The following EDC3 variants were observed in gnomAD, a reference collection of about 807,000 sequenced individuals.
The protein encoded by EDC3 is enhancer of mRNA decapping 3, also known as enhancer of mRNA-decapping protein 3.
Under a neutral mutation model 41.8 loss-of-function variants are expected in EDC3, and 20 were observed. The ratio of observed to expected loss-of-function variants is 0.48; its 90% CI spans 0.34 to 0.70. The LOEUF is 0.70. Among genes scored for constraint, EDC3 ranks in the 30% least tolerant of loss-of-function variants. The pLI, the probability that EDC3 is intolerant of heterozygous loss-of-function variation, is 0.01. For synonymous variants in EDC3, 206 were observed against 243.2 expected (o/e 0.85, Z 1.42); for missense variants, 444 against 636.8 (o/e 0.70, Z 3.26).
intron 1 of EDC3, among the ~76,000 whole-genome samples, chr15:74,693,723 C>T (rs2063034147): frequency 6.6e-6 from 1 of 152,282 alleles, no homozygotes; most frequent in African/African-American, 2.4e-5. Context: ...GTGGCTCACA[C>T]CTGTAATCCC....
intron 5 of EDC3, chr15:74,638,307 C>T (rs1345224666): frequency 6.6e-6 from 1 of 152,540 alleles, no homozygotes; most frequent in Non-Finnish European, 1.5e-5. Context: ...CAGCTAAGAC[C>T]CTTTTCTGAA....
intron 3 of EDC3, among the ~76,000 whole-genome samples, chr15:74,658,740 A>C (rs1412788197): frequency 6.6e-6 from 1 of 151,480 alleles, no homozygotes; most frequent in Non-Finnish European, 1.5e-5. Flanking sequence ...GGAGATCGAG[A>C]CCATCCTGGC....
chr15:74,671,849 C>T lies in EDC3; in HGVS notation c.165-75G>A, dbSNP rs902125780. 6.3e-6 allele frequency: 9 copies of T among 1,430,578 alleles called. No individual in the cohort carries two copies. The highest frequency in any genetic ancestry group is 5.6e-5 in the African/African-American group (4 of 70,884). 88.6% of individuals were successfully genotyped at this position (1,430,578 alleles called of 1,614,324 possible). A position where few individuals can be genotyped will look rare whatever the true frequency, so the allele number is the denominator to read the frequency against. On this transcript the variant is annotated intron_variant, in intron 2 of 6. Transcript: ENST00000315127. The surrounding 1 kb of genome is among the most constrained non-coding windows in gnomAD (Gnocchi z 4.6). ...TGATGAAACTGAGATCATTAGCAAACAGCTACCCCTTTGCAGGACTGCATT... is the reference window on the plus strand; with the variant it reads ...TGATGAAACTGAGATCATTAGCAAATAGCTACCCCTTTGCAGGACTGCATT...
At position 74,632,677 on chromosome 15, in the gene EDC3, C is replaced by G; in HGVS notation, c.1462G>C (p.Glu488Gln). 5.0e-6 allele frequency: 8 copies of G among 1,614,160 alleles called. No homozygotes were observed. The highest frequency in any genetic ancestry group is 5.9e-6 in the Non-Finnish European group (7 of 1,180,042). ...DIGIPQQVFQ[E>Q]VGINYHSPFG... ...GGCGAGTGGTAGTTGATGCCCACCT[C>G]CTGGAAGACCTGCTGGGGAATGCCA... Residue 488 changes from glutamate (E) to glutamine (Q), a missense_variant, in exon 7 of 7, where the codon GAG (glutamate) becomes CAG (glutamine). By Grantham distance (29) the Glu-to-Gln change is conservative. Transcript: ENST00000315127. The surrounding 1 kb of genome is among the most constrained non-coding windows in gnomAD (Gnocchi z 4.0).
At chr15:74,675,558 T>G (rs995388610) in intron 1 of EDC3, among the ~76,000 whole-genome samples, 4 of 150,028 alleles carry the variant, frequency 2.7e-5, no homozygotes, top group Non-Finnish European at 4.4e-5. Context: ...TAATAATAAT[T>G]AATAATAATA....
At chr15:74,641,748 C>T (rs1167408377) in intron 4 of EDC3, 1 of 153,172 alleles carries the variant, frequency 6.5e-6, no homozygotes, top group Admixed American at 6.5e-5. Context: ...CTCAATTATA[C>T]TGGACTGTCA....
At chr15:74,642,168 C>G (rs1019187650) in intron 4 of EDC3, 1 of 152,164 alleles carries the variant, frequency 6.6e-6, no homozygotes, top group Non-Finnish European at 1.5e-5. Flanking sequence ...TCTGTATCCT[C>G]TCAGGGAAGG....
At chr15:74,680,751 A>G (rs757017305) in intron 1 of EDC3, among the ~76,000 whole-genome samples, 9 of 152,226 alleles carry the variant, frequency 5.9e-5, no homozygotes, top group Non-Finnish European at 1.0e-4. Flanking sequence ...TAATCTACAA[A>G]AAGTCTTAGA....
chr15:74,644,855 A>G (rs1392470733), intron 4 of EDC3: 3 of 152,128 alleles, frequency 2.0e-5, no homozygotes, highest in Admixed American at 2.0e-4. Flanking sequence ...TTTACGAGGA[A>G]GAAATCTGGT....
rs1032634240 is a variant in EDC3, at chr15:74,632,524, T to C, written c.*88A>G. ...AACAAACCCAAAAGAGAAAAAACTT[T>C]AACAAGGTCCATGAAGCTTCATATC... On this transcript the variant is annotated 3_prime_UTR_variant, in exon 7 of 7. Coordinates refer to ENST00000315127, the MANE Select transcript of EDC3 (RefSeq NM_025083.5). The surrounding 1 kb of genome is among the most constrained non-coding windows in gnomAD (Gnocchi z 4.0). 3.4e-6 allele frequency: 5 copies of C among 1,456,042 alleles called. No homozygotes were observed. The highest frequency in any genetic ancestry group is 4.6e-6 in the Non-Finnish European group (5 of 1,078,596). The allele number at this position is 1,456,042 out of a possible 1,614,324, so 90.2% of individuals were successfully genotyped here. A position where few individuals can be genotyped will look rare whatever the true frequency, so the allele number is the denominator to read the frequency against.
chr15:74,635,348 G>A (rs778070994), intron 6 of EDC3, 61 bp downstream of exon 6: 58 of 1,524,488 alleles, frequency 3.8e-5, no homozygotes, highest in Admixed American at 1.7e-5. Flanking sequence ...GTGGCATGAC[G>A]AGACCATCAA....
chr15:74,683,952 A>T (rs2062904209), intron 1 of EDC3, among the ~76,000 whole-genome samples: 1 of 151,980 alleles, frequency 6.6e-6, no homozygotes, highest in Non-Finnish European at 1.5e-5. Context: ...GCACTTTCAG[A>T]GGCTGAGGCA....
rs774323837 is a variant in EDC3 at position 74,671,318 on chromosome 15, A to G, written c.484+137T>C. ...GAATGAGGCCTGGAGGAAGAGAACC[A>G]TGTTGTATTTCTGTGACGCTCAGCC... On this transcript the variant is annotated intron_variant, in intron 3 of 6. Coordinates refer to ENST00000315127, the MANE Select transcript of EDC3 (RefSeq NM_025083.5). The surrounding 1 kb of genome is among the most constrained non-coding windows in gnomAD (Gnocchi z 4.6). 106 of 992,606 alleles carry G rather than the reference A, an allele frequency of 1.1e-4. No individual in the cohort carries two copies. Among genetic ancestry groups the G allele is most frequent in the Non-Finnish European group, 1.3e-4 (90 of 673,744 alleles). The allele number at this position is 992,606 out of a possible 1,614,324, so 61.5% of individuals were successfully genotyped here.
rs527487147 is a variant in EDC3 at position 74,647,314 on chromosome 15, T to C, written c.821-6695A>G. Among the ~76,000 whole-genome samples, 19 of 152,276 alleles carry C rather than the reference T, an allele frequency of 1.2e-4. No homozygotes were observed. In the South Asian group the frequency reaches 2.7e-3, roughly 22 times the overall value. On this transcript the variant is annotated intron_variant, in intron 4 of 6. Transcript: ENST00000315127. ...GGTATATACATAGAAATCAAACTCC[T>C]TTCTCACTCTGTCTAGGCACTTGTG...
At position 74,681,554 on chromosome 15, in the gene EDC3, A is replaced by C. The variant is rs544602532; in HGVS notation, c.-18-6412T>G. On this transcript the variant is annotated intron_variant, in intron 1 of 6. Transcript: ENST00000315127. ...CTATATAGTATTGGCAGAGGGACAA[A>C]CATGTAAATCGATAAAATAGAAGGC... Among the ~76,000 whole-genome samples, 64 of 152,332 alleles carry C rather than the reference A, an allele frequency of 4.2e-4. 1 individual carries two copies. In the South Asian group the frequency reaches 0.01, roughly 25 times the overall value.
intron 1 of EDC3, among the ~76,000 whole-genome samples, chr15:74,694,741 A>G (rs2063046535): frequency 6.6e-6 from 1 of 152,094 alleles, no homozygotes. Flanking sequence ...GTGTGTGTGT[A>G]CACACTGAGT....
At chr15:74,640,685 T>G in intron 4 of EDC3, 66 bp from the exon 5 acceptor site, 2 of 1,596,646 alleles carry the variant, frequency 1.3e-6, no homozygotes, top group South Asian at 1.1e-5. Flanking sequence ...CCGGGTATAC[T>G]CTATCCAAGA....
chr15:74,657,858 G>A (rs997783922), intron 3 of EDC3, among the ~76,000 whole-genome samples: 8 of 152,092 alleles, frequency 5.3e-5, no homozygotes, highest in Non-Finnish European at 7.3e-5. Flanking sequence ...TTCGGTTAAC[G>A]TGATCTCTTT....
At chr15:74,662,224 G>A (rs961840283) in intron 3 of EDC3, among the ~76,000 whole-genome samples, 5 of 152,016 alleles carry the variant, frequency 3.3e-5, no homozygotes, top group Non-Finnish European at 7.4e-5. Flanking sequence ...AACAGTGTGC[G>A]TTACCACTGA....
Sources: allele counts gnomAD v4.1 joint callset (sites outside exome capture counted in the v4.1 genomes callset), GRCh38; gene constraint gnomAD v4.1.1; non-coding constraint Gnocchi (gnomAD v3.1); transcripts MANE v1.5; gene names NCBI Gene and HGNC (gene_info 2026-07-23, HGNC 2026-07-21).